Variants in ADGRD2 observed in about 807,000 individuals in gnomAD.
The protein encoded by ADGRD2 is G protein-coupled receptor PGR24.
A neutral mutation model predicts 44.4 loss-of-function variants in ADGRD2; 71 were observed. That is an observed-to-expected ratio of 1.60 (90% confidence interval 1.32 to 1.95). The LOEUF (loss-of-function observed/expected upper bound fraction) is 1.95. ADGRD2 is among the 30% of genes most tolerant of loss of function. ADGRD2 has a pLI of 0.00. For missense variants in ADGRD2, 1,039 were observed against 512.4 expected, an observed-to-expected ratio of 2.03 and a Z score of -9.92; for synonymous variants, 481 against 224.8, an observed-to-expected ratio of 2.14 and a Z score of -10.19.
Position 124,468,518 on chromosome 9 carries a change from G to C in ADGRD2, c.2234-1G>C. ...GGGTGGGGATCCTGACCCTCCCACA[G>C]GTGGCATGTGTGGCTGTCACAGTCG... On this transcript the variant is annotated splice_acceptor_variant, in intron 13 of 21. Coordinates refer to ENST00000334810, the Ensembl canonical transcript of ADGRD2. LOFTEE classifies it high-confidence loss of function. 1.4e-6 allele frequency: 1 copy of C among 718,508 alleles called. No homozygotes were observed. Among genetic ancestry groups the C allele is most frequent in the South Asian group, 1.5e-5 (1 of 67,604 alleles). The allele number at this position is 718,508 out of a possible 1,614,324, so 44.5% of individuals were successfully genotyped here. A position where few individuals can be genotyped will look rare whatever the true frequency, so the allele number is the denominator to read the frequency against.
In ADGRD2 at chr9:124,454,126, G is replaced by A. The variant is rs1360879121; in HGVS notation, c.1022+29G>A. ...CGCCCTGGCTGTACCCCTGGGCTCT[G>A]CTGAAGGGAAAGCCGGTGTGGACCG... On this transcript the variant is annotated intron_variant, in intron 4 of 21. Transcript: ENST00000334810. The surrounding 1 kb of genome is among the most constrained non-coding windows in gnomAD (Gnocchi z 4.5). The A allele has an allele frequency of 1.5e-6, 1 of 655,824 alleles. No homozygotes were observed. 40.6% of individuals were successfully genotyped at this position (655,824 alleles called of 1,614,324 possible).
chr9:124,476,646 G>C, intron 20 of ADGRD2, 33 bp from the exon 24 acceptor site: 2 of 697,662 alleles, frequency 2.9e-6, no homozygotes, highest in Non-Finnish European at 2.6e-6. Context: ...GAAGGAGTGG[G>C]GGCCACCCCC....
At chr9:124,451,239 A>G (rs749898254), upstream of ADGRD2, 4 of 471,004 alleles carry the variant, frequency 8.5e-6, no homozygotes, top group Non-Finnish European at 1.3e-5. Context: ...ATGAAGCAGA[A>G]CCTTGGCGGA....
chr9:124,475,996 C>T (rs1036059459), intron 19 of ADGRD2, among the ~76,000 whole-genome samples: 2 of 152,176 alleles, frequency 1.3e-5, no homozygotes, highest in Non-Finnish European at 2.9e-5. Context: ...CCAGGAAACC[C>T]GGGCTTCTGG....
In ADGRD2 at chr9:124,454,519, C is replaced by T; in HGVS notation, c.1060C>T (p.Pro354Ser). ...TCGGCTGCAGGATGCCCAGTCGTGG[C>T]CTGGCCAGGATGTTATCAGCCGAGT... is the stretch of plus-strand genomic sequence containing the variant. The change falls in exon 5 of 22, where the codon CCT (proline) becomes TCT (serine). Residue 354 changes from proline (P) to serine (S), a missense_variant. Physicochemically the swap from Pro to Ser is moderately conservative, Grantham distance 74. Transcript: ENST00000334810. The surrounding 1 kb of genome is among the most constrained non-coding windows in gnomAD (Gnocchi z 4.5). 1 of 716,918 alleles carries T rather than the reference C, an allele frequency of 1.4e-6. No individual in the cohort carries two copies. Among genetic ancestry groups the T allele is most frequent in the Non-Finnish European group, 2.6e-6 (1 of 383,918 alleles). The allele number at this position is 716,918 out of a possible 1,614,324, so 44.4% of individuals were successfully genotyped here. A position where few individuals can be genotyped will look rare whatever the true frequency, so the allele number is the denominator to read the frequency against.
intron 11 of ADGRD2, chr9:124,466,865 G>A (rs1464164621): frequency 6.5e-6 from 1 of 153,006 alleles, no homozygotes; most frequent in Non-Finnish European, 1.5e-5. Flanking sequence ...AAAACTCTAA[G>A]AGGATGTCAG....
At chr9:124,452,841 T>C (rs1322883057) in intron 2 of ADGRD2, 119 bp downstream of exon 5, 1 of 620,964 alleles carries the variant, frequency 1.6e-6, no homozygotes, top group South Asian at 1.9e-5. Context: ...CCATTGCATC[T>C]CCAGGTTCCT....
In ADGRD2 at chr9:124,452,667, C is replaced by T. The variant is rs781301312; in HGVS notation, c.228C>T (p.Arg76=). Reference sequence around the variant, plus strand: ...ATGGGGTTCTTGCTTCACGGCTGCGCGATCCGGTCTGGGTGGGCCAAAGAG... The same window carrying T: ...ATGGGGTTCTTGCTTCACGGCTGCGTGATCCGGTCTGGGTGGGCCAAAGAG... Residue 76 remains arginine (R), a synonymous_variant, in exon 2 of 22, where the codon CGC becomes CGT. Coordinates refer to ENST00000334810, the Ensembl canonical transcript of ADGRD2. 7 of 717,484 alleles carry T rather than the reference C, an allele frequency of 9.8e-6. No individual in the cohort carries two copies. In the South Asian group the frequency reaches 1.0e-4, roughly 11 times the overall value. The allele number at this position is 717,484 out of a possible 1,614,324, so 44.4% of individuals were successfully genotyped here.
chr9:124,456,579 G>T, intron 6 of ADGRD2, 43 bp from the exon 10 acceptor site: 1 of 716,520 alleles, frequency 1.4e-6, no homozygotes. Flanking sequence ...GCGGCAGTGG[G>T]GTGCAGAGTG....
rs757964850 is a variant in ADGRD2 at position 124,454,287 on chromosome 9, A to G, written c.1022+190A>G. Among the ~76,000 whole-genome samples the G allele has an allele frequency of 1.3e-5, 2 of 152,174 alleles. No homozygotes were observed. Among genetic ancestry groups the G allele is most frequent in the Non-Finnish European group, 2.9e-5 (2 of 68,030 alleles). On this transcript the variant is annotated intron_variant, in intron 4 of 21. Transcript: ENST00000334810. This position sits in a 1 kb window ranked among gnomAD's most constrained non-coding sequence, Gnocchi z 4.5. ...CCTAAGGGTGAATCGAAATTGTGTG[A>G]CCTTGGGCAAGCTCTTTTGCCATTC...
exon 14 of ADGRD2, chr9:124,468,578 G>C (rs772158654): frequency 1.4e-6 from 1 of 718,656 alleles, no homozygotes; most frequent in Admixed American, 2.0e-5. Flanking sequence ...CATTCTCCTG[G>C]ATGCTGGTGG....
At chr9:124,472,903 G>C (rs894509634) in intron 17 of ADGRD2, among the ~76,000 whole-genome samples, 2 of 152,198 alleles carry the variant, frequency 1.3e-5, no homozygotes, top group African/African-American at 2.4e-5. Flanking sequence ...CCCTTGGGAC[G>C]GTCACCCGGT....
At chr9:124,472,653 C>A (rs1241402357) in intron 17 of ADGRD2, among the ~76,000 whole-genome samples, 1 of 152,064 alleles carries the variant, frequency 6.6e-6, no homozygotes, top group African/African-American at 2.4e-5. Context: ...ATTACAGGCA[C>A]CTGCCACCAC....
intron 14 of ADGRD2, 126 bp downstream of exon 17, chr9:124,468,798 C>A (rs771510536): frequency 6.5e-6 from 4 of 615,794 alleles, no homozygotes; most frequent in Middle Eastern, 8.6e-4. Flanking sequence ...CGGCATTTAG[C>A]GTCACCCAGA....
chr9:124,452,869 T>C (rs1831516115), intron 2 of ADGRD2, 147 bp downstream of exon 5: 4 of 608,254 alleles, frequency 6.6e-6, no homozygotes, highest in Non-Finnish European at 1.2e-5. Context: ...GGACTGGGCG[T>C]CGGGGCTTGA....
At chr9:124,469,277 G>A (rs1219120080) in exon 15 of ADGRD2, 1 of 717,822 alleles carries the variant, frequency 1.4e-6, no homozygotes, top group Non-Finnish European at 2.6e-6. Flanking sequence ...ATGACTACGT[G>A]GCCCCCGGAC....
At chr9:124,478,015 A>C (rs1260602412) in intron 21 of ADGRD2, among the ~76,000 whole-genome samples, 8 of 139,940 alleles carry the variant, frequency 5.7e-5, no homozygotes, top group South Asian at 2.4e-4. Flanking sequence ...CCCCGACCCC[A>C]CCCCGCGGGC....
At chr9:124,461,348 T>C (rs895866736) in intron 10 of ADGRD2, among the ~76,000 whole-genome samples, 4 of 152,268 alleles carry the variant, frequency 2.6e-5, no homozygotes, top group African/African-American at 9.6e-5. Flanking sequence ...TTTTGTATAC[T>C]ATCTAAGAAA....
At position 124,453,443 on chromosome 9, in the gene ADGRD2, T is replaced by C. The variant is rs1364759972; in HGVS notation, c.692T>C (p.Leu231Pro). The change falls in exon 3 of 22, where the codon CTG (leucine) becomes CCG (proline). Residue 231 changes from leucine to proline, a missense_variant. Leu to Pro is a moderately conservative substitution (Grantham distance 98, BLOSUM62 -3). Transcript: ENST00000334810. ...CACCCGGTGCCGTCCGGCGGCATCC[T>C]GGTGCTGGGCCAGGATCAGGACTCT... The C allele has an allele frequency of 2.4e-5, 16 of 669,886 alleles. 1 individual carries two copies. Among genetic ancestry groups the C allele is most frequent in the Non-Finnish European group, 4.1e-5 (15 of 369,014 alleles). The allele number at this position is 669,886 out of a possible 1,614,324, so 41.5% of individuals were successfully genotyped here.
Sources: allele counts gnomAD v4.1 joint callset (sites outside exome capture counted in the v4.1 genomes callset), GRCh38; gene constraint gnomAD v4.1.1; non-coding constraint Gnocchi (gnomAD v3.1); transcripts MANE v1.5; gene names NCBI Gene and HGNC (gene_info 2026-07-23, HGNC 2026-07-21).